DNAH6: variants seen among roughly 807,000 people sequenced by gnomAD.
DNAH6 encodes dynein axonemal heavy chain 6.
Under a neutral mutation model 491.4 loss-of-function variants are expected in DNAH6, and 340 were observed. The ratio of observed to expected loss-of-function variants is 0.69; its 90% CI spans 0.63 to 0.76. The LOEUF is 0.76. Ranked by LOEUF, DNAH6 falls within the 30% of genes least tolerant of loss-of-function variation. DNAH6 has a pLI of 0.00. For missense variants in DNAH6, 4,443 were observed against 4,972.2 expected (o/e 0.89, Z 3.20); for synonymous variants, 1,603 against 1,686.1 (o/e 0.95, Z 1.21).
chr2:84,516,647 C>G (rs561680001), intron 1 of DNAH6, 64 bp downstream of exon 1: 1 of 152,208 alleles, frequency 6.6e-6, no homozygotes, highest in South Asian at 2.1e-4. Flanking sequence ...CAAAGTCTGA[C>G]TTTCGGAGAA....
chr2:84,541,866 G>C (rs1678283569), intron 4 of DNAH6, among the ~76,000 whole-genome samples: 1 of 152,108 alleles, frequency 6.6e-6, no homozygotes, highest in Non-Finnish European at 1.5e-5. Flanking sequence ...CTATCCTTGA[G>C]TCTTGGAATA....
At chr2:84,719,869 A>AACACACACAC (rs72442165) in intron 59 of DNAH6, among the ~76,000 whole-genome samples, 9 of 144,678 alleles carry the variant, frequency 6.2e-5, no homozygotes, top group Non-Finnish European at 1.4e-4. Flanking sequence ...CTGTACCTCT[A>AACACACACAC]ACACACACAC....
chr2:84,489,962 CAACA>C, the DNAH6 span, among the ~76,000 whole-genome samples: 1 of 152,218 alleles, frequency 6.6e-6, no homozygotes, highest in Non-Finnish European at 1.5e-5. Flanking sequence ...GACTCACTAT[CAACA>C]GATGCTTGAA....
At chr2:84,690,509 GGAGAATAGACCA>G (rs1694742680) in intron 45 of DNAH6, among the ~76,000 whole-genome samples, 1 of 152,138 alleles carries the variant, frequency 6.6e-6, no homozygotes, top group Non-Finnish European at 1.5e-5. Flanking sequence ...GAAACTTCCT[GGAGAATAGACCA>G]GACCGTAAGC....
chr2:84,686,973 T>G (rs902419887), intron 44 of DNAH6, among the ~76,000 whole-genome samples: 1 of 152,134 alleles, frequency 6.6e-6, no homozygotes, highest in Non-Finnish European at 1.5e-5. Flanking sequence ...AGCGGAGAGG[T>G]CTAGTCTTTT....
At chr2:84,690,066 A>C (rs1454616708) in intron 45 of DNAH6, among the ~76,000 whole-genome samples, 1 of 152,252 alleles carries the variant, frequency 6.6e-6, no homozygotes, top group Non-Finnish European at 1.5e-5. Flanking sequence ...TGCAGCATCC[A>C]GATTTGATAT....
the DNAH6 span, among the ~76,000 whole-genome samples, chr2:84,476,568 C>G: frequency 6.6e-6 from 1 of 152,162 alleles, no homozygotes; most frequent in African/African-American, 2.4e-5. Flanking sequence ...GATTTTTACA[C>G]TCATCCTCCT....
At chr2:84,549,108 A>G (rs1047861906) in intron 8 of DNAH6, among the ~76,000 whole-genome samples, 2 of 152,172 alleles carry the variant, frequency 1.3e-5, no homozygotes, top group African/African-American at 4.8e-5. Flanking sequence ...CTGCTTACCC[A>G]ACTGGATCTT....
chr2:84,547,104 GA>G (rs1402900450), intron 5 of DNAH6, among the ~76,000 whole-genome samples, 163 bp from the exon 6 acceptor site: 1 of 152,166 alleles, frequency 6.6e-6, no homozygotes, highest in Non-Finnish European at 1.5e-5. Context: ...TTTTAGAAAA[GA>G]GTTATAAAAG....
chr2:84,682,480 TG>T (rs1693878720), intron 42 of DNAH6, among the ~76,000 whole-genome samples: 1 of 152,214 alleles, frequency 6.6e-6, no homozygotes, highest in South Asian at 2.1e-4. Flanking sequence ...GAGATGGCAC[TG>T]GAGTGCCTGC....
chr2:84,547,573 G>T lies in DNAH6; in HGVS notation c.1147G>T (p.Gly383Ter). 12 of 1,551,888 alleles carry T rather than the reference G, an allele frequency of 7.7e-6. No homozygotes were observed. The highest frequency in any genetic ancestry group is 1.0e-5 in the Non-Finnish European group (12 of 1,146,996). Residue 383 changes from glycine (G) to a stop codon, truncating the protein, a stop_gained, in exon 7 of 77, where the codon GGA (glycine) becomes TGA (stop). Coordinates refer to ENST00000389394, the MANE Select transcript of DNAH6 (RefSeq NM_001370.2). LOFTEE classifies it high-confidence loss of function. ...RACRFALRAA[G>*]FVPDDCAFGP... is the part of the protein sequence containing the mutation. ...TTGTCGATTTGCTTTGCGTGCTGCAGGATTTGTTCCTGATGACTGTGCATT... is the reference window on the plus strand; with the variant it reads ...TTGTCGATTTGCTTTGCGTGCTGCATGATTTGTTCCTGATGACTGTGCATT...
rs759703254 is a variant in DNAH6 at position 84,703,424 on chromosome 2, C to A, written c.8091C>A (p.Thr2697=). The A allele has an allele frequency of 5.8e-6, 9 of 1,542,092 alleles. No individual in the cohort carries two copies. The highest frequency in any genetic ancestry group is 2.0e-5 in the Admixed American group (1 of 49,932). ...SARDRVKNGL[T]KLLETNILVD... is the part of the protein sequence containing the mutation. ...GAGATCGGGTGAAGAATGGTCTCAC[C>A]AAGCTACTAGAAACAAACATACTAG... Residue 2697 remains threonine (T), a synonymous_variant, in exon 50 of 77, where the codon ACC becomes ACA. Transcript: ENST00000389394.
intron 32 of DNAH6, among the ~76,000 whole-genome samples, chr2:84,641,255 AG>A (rs2104503024): frequency 6.6e-6 from 1 of 152,324 alleles, no homozygotes; most frequent in East Asian, 1.9e-4. Flanking sequence ...CTGCACATCC[AG>A]GAACCCTCTG....
chr2:84,624,448 A>C lies in DNAH6; in HGVS notation c.4198-17A>C. 1.9e-6 allele frequency: 3 copies of C among 1,550,946 alleles called. No individual in the cohort carries two copies. The highest frequency in any genetic ancestry group is 2.6e-6 in the Non-Finnish European group (3 of 1,146,622). On this transcript the variant is annotated splice_polypyrimidine_tract_variant and intron_variant, in intron 27 of 76. Transcript: ENST00000389394. Reference sequence around the variant, plus strand: ...TCTTTCTGAAATTAGTGTATCTAATATGTATATCACATATAGGTGGAGACA... The same window carrying C: ...TCTTTCTGAAATTAGTGTATCTAATCTGTATATCACATATAGGTGGAGACA...
At chr2:84,482,116 T>C in the DNAH6 span, among the ~76,000 whole-genome samples, 4 of 152,210 alleles carry the variant, frequency 2.6e-5, no homozygotes, top group African/African-American at 9.7e-5. Flanking sequence ...ACCCACCTCC[T>C]GACACAAACA....
the DNAH6 span, among the ~76,000 whole-genome samples, chr2:84,467,050 G>C: frequency 6.6e-6 from 1 of 152,156 alleles, no homozygotes; most frequent in African/African-American, 2.4e-5. Flanking sequence ...TCATAAGCAG[G>C]TTTTTGCTCT....
intron 4 of DNAH6, among the ~76,000 whole-genome samples, chr2:84,536,117 A>G (rs1677666682): frequency 6.6e-6 from 1 of 152,068 alleles, no homozygotes; most frequent in Non-Finnish European, 1.5e-5. Flanking sequence ...TCAACCACAT[A>G]ACCATTTGTT....
intron 46 of DNAH6, among the ~76,000 whole-genome samples, chr2:84,694,922 C>T (rs915491247): frequency 1.3e-5 from 2 of 152,144 alleles, no homozygotes; most frequent in Non-Finnish European, 2.9e-5. Flanking sequence ...ATTAACTGAT[C>T]TTGAATTAAT....
chr2:84,711,116 A>G (rs1172392640), intron 56 of DNAH6, among the ~76,000 whole-genome samples: 1 of 152,192 alleles, frequency 6.6e-6, no homozygotes, highest in African/African-American at 2.4e-5. Flanking sequence ...ACTTGTTATC[A>G]GAGGTTTGAA....
Sources: allele counts gnomAD v4.1 joint callset (sites outside exome capture counted in the v4.1 genomes callset), GRCh38; gene constraint gnomAD v4.1.1; transcripts MANE v1.5; gene names NCBI Gene and HGNC (gene_info 2026-07-23, HGNC 2026-07-21).